ATXN7L1: variants seen among roughly 807,000 people sequenced by gnomAD.
ATXN7L1 encodes ataxin-7-like protein 1.
ATXN7L1 carries 15 observed loss-of-function variants against 70.8 expected under a neutral mutation model. The ratio of observed to expected loss-of-function variants is 0.21; its 90% confidence interval spans 0.14 to 0.33. The LOEUF is 0.33. ATXN7L1 is among the 10% of genes least tolerant of loss of function. The pLI, the probability that ATXN7L1 is intolerant of heterozygous loss-of-function variation, is 1.00. For synonymous variants in ATXN7L1, 440 were observed against 445.1 expected, an observed-to-expected ratio of 0.99 and a Z score of 0.14; for missense variants, 975 against 1,097.1, an observed-to-expected ratio of 0.89 and a Z score of 1.57.
At chr7:105,797,887 G>A (rs533035702) in intron 2 of ATXN7L1, among the ~76,000 whole-genome samples, 12 of 152,230 alleles carry the variant, frequency 7.9e-5, no homozygotes, top group African/African-American at 2.9e-4. Context: ...GTGACTTATC[G>A]CCCTTCCTAT....
chr7:105,727,339 G>A (rs1420340444), intron 3 of ATXN7L1, among the ~76,000 whole-genome samples: 1 of 152,114 alleles, frequency 6.6e-6, no homozygotes, highest in East Asian at 1.9e-4. Context: ...GAAAAACAGA[G>A]TTGCAGAACT....
chr7:105,775,341 A>G (rs972908217), intron 3 of ATXN7L1, among the ~76,000 whole-genome samples: 1 of 152,196 alleles, frequency 6.6e-6, no homozygotes, highest in African/African-American at 2.4e-5. Flanking sequence ...AAGTAGCTCT[A>G]CACATCATGG....
chr7:105,735,767 T>G (rs1465105767), intron 3 of ATXN7L1, among the ~76,000 whole-genome samples: 9 of 152,142 alleles, frequency 5.9e-5, no homozygotes, highest in Admixed American at 2.0e-4. Context: ...TGTTGAATGT[T>G]GCAATGACTC....
chr7:105,645,015 T>A (rs1259637308), intron 4 of ATXN7L1, among the ~76,000 whole-genome samples: 1 of 152,182 alleles, frequency 6.6e-6, no homozygotes, highest in Non-Finnish European at 1.5e-5. Flanking sequence ...TACTGTATAA[T>A]TCCACTTATA....
chr7:105,764,528 G>C (rs1364375728), intron 3 of ATXN7L1, among the ~76,000 whole-genome samples: 1 of 152,140 alleles, frequency 6.6e-6, no homozygotes, highest in East Asian at 1.9e-4. Flanking sequence ...TACAAGTTGC[G>C]TATCACTGAC....
intron 2 of ATXN7L1, among the ~76,000 whole-genome samples, chr7:105,825,334 G>A (rs535300571): frequency 9.9e-5 from 15 of 152,148 alleles, no homozygotes; most frequent in Non-Finnish European, 1.8e-4. Context: ...AATGAAGAGG[G>A]AAGCTGTTGT....
At chr7:105,607,978 A>T in intron 11 of ATXN7L1, 88 bp from the exon 12 acceptor site, 2 of 1,230,850 alleles carry the variant, frequency 1.6e-6, no homozygotes, top group Non-Finnish European at 1.2e-6. Context: ...TAGTTTTCTC[A>T]TCTATAATAG....
intron 2 of ATXN7L1, among the ~76,000 whole-genome samples, chr7:105,863,031 T>C (rs543170921): frequency 4.6e-5 from 7 of 152,284 alleles, no homozygotes; most frequent in Admixed American, 2.6e-4. Context: ...TGTGGCAGTA[T>C]TGAAGAGTGA....
chr7:105,618,766 T>G (rs540892146), intron 9 of ATXN7L1, among the ~76,000 whole-genome samples: 2 of 152,304 alleles, frequency 1.3e-5, no homozygotes, highest in South Asian at 4.1e-4. Flanking sequence ...AGCTCACCTT[T>G]GTAGGAGTGG....
chr7:105,876,493 C>CTT lies in ATXN7L1; in HGVS notation c.64_65dup (p.Gln23SerfsTer41), dbSNP rs755354537. The CTT allele has an allele frequency of 1.9e-6, 3 of 1,613,282 alleles. No homozygotes were observed. The South Asian group carries it at 3.3e-5, about 18-fold the overall frequency. ...TCGCCATTGCTCTTCCTTCTTGTTG[C>CTT]TTTTTCCCTGTTCCTTCGGCAGCAG... On this transcript the variant is annotated frameshift_variant, in exon 1 of 12. Transcript: ENST00000419735. LOFTEE classifies it high-confidence loss of function.
intron 5 of ATXN7L1, among the ~76,000 whole-genome samples, 171 bp downstream of exon 5, chr7:105,642,667 C>A (rs1798445922): frequency 1.3e-5 from 2 of 152,216 alleles, no homozygotes; most frequent in African/African-American, 4.8e-5. Flanking sequence ...GAAGAAGAGA[C>A]CTGGTTTTCC....
intron 3 of ATXN7L1, among the ~76,000 whole-genome samples, chr7:105,740,787 T>TTTTTTTTTTTTTTTTTTTTTTTGTGG: frequency 1.3e-5 from 1 of 79,284 alleles, no homozygotes; most frequent in African/African-American, 5.8e-5. Context: ...TTTTTTTTAA[T>TTTTTTTTTTTTTTTTTTTTTTTGTGG]GGAGTCTCAC....
intron 2 of ATXN7L1, among the ~76,000 whole-genome samples, chr7:105,837,910 C>T (rs1251682450): frequency 3.3e-5 from 5 of 152,070 alleles, no homozygotes; most frequent in South Asian, 2.1e-4. Context: ...TACACATGTG[C>T]GCTCGCTCTC....
At chr7:105,694,957 G>C (rs186056474) in intron 3 of ATXN7L1, among the ~76,000 whole-genome samples, 8 of 152,346 alleles carry the variant, frequency 5.3e-5, no homozygotes, top group African/African-American at 1.9e-4. Context: ...TTCGAAACCA[G>C]CCCAGCCAAC....
chr7:105,819,773 G>A lies in ATXN7L1; in HGVS notation c.251-31065C>T, dbSNP rs570423568. ...ATGTTGCCCCACAAGACAAAGCAAG[G>A]CCGGGCCGCCCTGGAGCGCCTCAAG... On this transcript the variant is annotated intron_variant, in intron 2 of 11. Transcript: ENST00000419735. 21 of 696,882 alleles carry A rather than the reference G, an allele frequency of 3.0e-5. 1 individual carries two copies. The highest frequency in any genetic ancestry group is 2.9e-4 in the South Asian group (21 of 72,306). The allele number at this position is 696,882 out of a possible 1,614,324, so 43.2% of individuals were successfully genotyped here. A position where few individuals can be genotyped will look rare whatever the true frequency, so the allele number is the denominator to read the frequency against.
intron 3 of ATXN7L1, among the ~76,000 whole-genome samples, chr7:105,709,036 A>T (rs145740581): frequency 5.7e-4 from 86 of 152,128 alleles, no homozygotes; most frequent in African/African-American, 2.0e-3. Flanking sequence ...GCCTTTTAAA[A>T]TTTTTTCTTA....
chr7:105,638,649 A>T (rs771745383), intron 6 of ATXN7L1, 40 bp from the exon 7 acceptor site: 1 of 1,524,822 alleles, frequency 6.6e-7, no homozygotes, highest in Non-Finnish European at 8.8e-7. Flanking sequence ...CTCTTTGATC[A>T]GCACATAAAC....
chr7:105,749,454 G>T (rs1563061927), intron 3 of ATXN7L1, among the ~76,000 whole-genome samples: 1 of 151,618 alleles, frequency 6.6e-6, no homozygotes, highest in Non-Finnish European at 1.5e-5. Flanking sequence ...TCATTTGGGG[G>T]TGGAGATAGG....
chr7:105,717,812 A>AT (rs1028271430), intron 3 of ATXN7L1, among the ~76,000 whole-genome samples: 27 of 152,242 alleles, frequency 1.8e-4, no homozygotes, highest in African/African-American at 6.5e-4. Flanking sequence ...GAGGTTGAAC[A>AT]TTTTTCAGGT....
Sources: allele counts gnomAD v4.1 joint callset (sites outside exome capture counted in the v4.1 genomes callset), GRCh38; gene constraint gnomAD v4.1.1; transcripts MANE v1.5; gene names NCBI Gene and HGNC (gene_info 2026-07-23, HGNC 2026-07-21).